Variants in PCDH9 observed in about 807,000 individuals in gnomAD.
PCDH9 encodes protocadherin 9.
PCDH9 carries 24 observed loss-of-function variants against 70.6 expected under a neutral mutation model. The ratio of observed to expected loss-of-function variants is 0.34; its 90% CI spans 0.25 to 0.48. The LOEUF is 0.48. PCDH9 is among the 20% of genes least tolerant of loss of function. The probability of loss-of-function intolerance (pLI) is 0.99; values close to 1 mark genes in which losing one functional copy is unlikely to be tolerated. For missense variants in PCDH9, 1,281 were observed against 1,503.6 expected, an observed-to-expected ratio of 0.85 and a Z score of 2.45; for synonymous variants, 562 against 558.5, an observed-to-expected ratio of 1.01 and a Z score of -0.09.
chr13:66,475,100 G>C (rs929931475), intron 4 of PCDH9, among the ~76,000 whole-genome samples: 10 of 151,976 alleles, frequency 6.6e-5, no homozygotes, highest in Admixed American at 2.0e-4. Flanking sequence ...AAATTTCTGA[G>C]AAAAAGGAAT....
At position 66,367,569 on chromosome 13, in the gene PCDH9, T is replaced by G. The variant is rs563761698; in HGVS notation, c.3341-62541A>C. On this transcript the variant is annotated intron_variant, in intron 4 of 4. Transcript: ENST00000377865. ...ATATCACATCAAGACTGAAAAATTC[T>G]GGGTTCAAAGGTGGCCAGTGGGAGG... Among the ~76,000 whole-genome samples, 151 of 152,204 alleles carry G rather than the reference T, an allele frequency of 9.9e-4. 2 individuals carry two copies. Among genetic ancestry groups the G allele is most frequent in the African/African-American group, 3.5e-3 (147 of 41,552 alleles).
intron 3 of PCDH9, among the ~76,000 whole-genome samples, chr13:66,821,625 C>CA (rs2080713679): frequency 6.6e-6 from 1 of 151,980 alleles, no homozygotes; most frequent in South Asian, 2.1e-4. Flanking sequence ...GATGCAGGAA[C>CA]TTTTTTTTAT....
chr13:66,509,608 TTTCTTCTTC>T (rs199552432), intron 4 of PCDH9, among the ~76,000 whole-genome samples: 1 of 151,704 alleles, frequency 6.6e-6, no homozygotes, highest in East Asian at 1.9e-4. Context: ...GCAATAGTCT[TTTCTTCTTC>T]TTCTTCTTCT....
chr13:66,685,848 C>T (rs186126637), intron 3 of PCDH9, among the ~76,000 whole-genome samples: 1 of 152,202 alleles, frequency 6.6e-6, no homozygotes, highest in East Asian at 1.9e-4. Flanking sequence ...GCCTGTAGCC[C>T]CTTTGTTTTG....
intron 3 of PCDH9, among the ~76,000 whole-genome samples, chr13:66,738,736 G>A (rs1299722002): frequency 3.3e-5 from 5 of 151,720 alleles, no homozygotes; most frequent in Non-Finnish European, 7.4e-5. Flanking sequence ...GGAAGACAGG[G>A]TATCAGCAAT....
At chr13:67,166,157 T>G (rs1185359185) in intron 2 of PCDH9, among the ~76,000 whole-genome samples, 1 of 152,194 alleles carries the variant, frequency 6.6e-6, no homozygotes, top group Non-Finnish European at 1.5e-5. Context: ...AAAATAAATT[T>G]CAGATCCACT....
intron 3 of PCDH9, among the ~76,000 whole-genome samples, chr13:66,881,448 A>G (rs1594200626): frequency 1.3e-5 from 2 of 152,274 alleles, no homozygotes; most frequent in South Asian, 4.1e-4. Context: ...CCCATTCATT[A>G]TCAAGAGAAC....
chr13:66,463,924 T>C (rs1958469794), intron 4 of PCDH9, among the ~76,000 whole-genome samples: 1 of 151,716 alleles, frequency 6.6e-6, no homozygotes, highest in Non-Finnish European at 1.5e-5. Context: ...TATGATTAGA[T>C]GTCTAGGGGA....
At chr13:66,711,835 G>C (rs1261635993) in intron 3 of PCDH9, among the ~76,000 whole-genome samples, 2 of 152,064 alleles carry the variant, frequency 1.3e-5, no homozygotes, top group African/African-American at 4.8e-5. Flanking sequence ...AGTTTTACTT[G>C]ATTTTTTAGC....
At chr13:67,039,643 T>G (rs184979678) in intron 2 of PCDH9, among the ~76,000 whole-genome samples, 1 of 152,356 alleles carries the variant, frequency 6.6e-6, no homozygotes, top group East Asian at 1.9e-4. Flanking sequence ...TGACAGAAGT[T>G]GCTCTATATA....
chr13:66,572,557 G>A (rs1451935096), intron 4 of PCDH9, among the ~76,000 whole-genome samples: 1 of 151,996 alleles, frequency 6.6e-6, no homozygotes, highest in Non-Finnish European at 1.5e-5. Context: ...TCCTTTTATG[G>A]CTGAATAATA....
chr13:66,442,478 A>G (rs912565687), intron 4 of PCDH9, among the ~76,000 whole-genome samples: 1 of 152,170 alleles, frequency 6.6e-6, no homozygotes, highest in South Asian at 2.1e-4. Context: ...CGAGTCATGG[A>G]GTAGCATTCT....
rs544469727 is a variant in PCDH9, at chr13:66,920,210, G to A, written c.3037-16605C>T. 1.5e-3 allele frequency among the ~76,000 whole-genome samples: 225 copies of A among 151,124 alleles called. 2 individuals carry two copies. Among genetic ancestry groups the A allele is most frequent in the African/African-American group, 4.9e-3 (204 of 41,384 alleles). Reference sequence around the variant, plus strand: ...TTTTAACTTTTGCTGGGGAATGATAGGATTAGACAGATTTTTCCTATGCAT... The same window carrying A: ...TTTTAACTTTTGCTGGGGAATGATAAGATTAGACAGATTTTTCCTATGCAT... On this transcript the variant is annotated intron_variant, in intron 2 of 4. Coordinates refer to ENST00000377865, the MANE Select transcript of PCDH9 (RefSeq NM_203487.3).
chr13:66,327,083 T>C (rs927688631), intron 4 of PCDH9, among the ~76,000 whole-genome samples: 1 of 152,188 alleles, frequency 6.6e-6, no homozygotes. Flanking sequence ...AAATACGCTT[T>C]TGTATACCAA....
At chr13:66,966,190 G>C (rs1050766068) in intron 2 of PCDH9, among the ~76,000 whole-genome samples, 1 of 152,076 alleles carries the variant, frequency 6.6e-6, no homozygotes, top group African/African-American at 2.4e-5. Flanking sequence ...ACAAAATCTT[G>C]GGCAAGCCCC....
chr13:67,194,728 T>A (rs959500025), intron 2 of PCDH9, among the ~76,000 whole-genome samples: 1 of 152,100 alleles, frequency 6.6e-6, no homozygotes, highest in Non-Finnish European at 1.5e-5. Flanking sequence ...TGCCAGGAAA[T>A]GGAGAGCATT....
intron 2 of PCDH9, among the ~76,000 whole-genome samples, chr13:67,154,473 A>T (rs1362410397): frequency 6.7e-6 from 1 of 149,244 alleles, no homozygotes; most frequent in Non-Finnish European, 1.5e-5. Flanking sequence ...GCTATTGGGG[A>T]GGCTGAGGCA....
chr13:66,863,741 T>C (rs368441479), intron 3 of PCDH9, among the ~76,000 whole-genome samples: 1 of 152,174 alleles, frequency 6.6e-6, no homozygotes, highest in South Asian at 2.1e-4. Context: ...CAAAGTGATC[T>C]GCCTCACAAA....
intron 4 of PCDH9, among the ~76,000 whole-genome samples, chr13:66,343,177 C>G (rs1304715759): frequency 1.3e-5 from 2 of 152,116 alleles, no homozygotes; most frequent in African/African-American, 2.4e-5. Flanking sequence ...TGAAAGAATA[C>G]TGGAGGATAG....
Sources: gnomAD v4.1 joint callset for allele counts (sites outside exome capture counted in the v4.1 genomes callset) on GRCh38, gnomAD v4.1.1 for gene constraint, MANE v1.5 for transcripts, NCBI Gene and HGNC (gene_info 2026-07-23, HGNC 2026-07-21) for gene names.